The following CFAP61 variants were observed in gnomAD, a reference collection of about 807,000 sequenced individuals.
CFAP61 encodes cilia and flagella associated protein 61.
In CFAP61, 107 loss-of-function variants were observed where a neutral mutation model predicts 135.6. That is an observed-to-expected ratio of 0.79 (90% CI 0.67 to 0.93). The LOEUF is 0.93. Ranked by LOEUF, CFAP61 falls within the 40% of genes least tolerant of loss-of-function variation. The pLI, the probability that CFAP61 is intolerant of heterozygous loss-of-function variation, is 0.00. For missense variants in CFAP61, 1,507 were observed against 1,556.2 expected, an observed-to-expected ratio of 0.97 and a Z score of 0.53; for synonymous variants, 575 against 578.5, an observed-to-expected ratio of 0.99 and a Z score of 0.09.
chr20:20,207,876 C>A (rs2056926006), intron 17 of CFAP61, among the ~76,000 whole-genome samples: 3 of 152,202 alleles, frequency 2.0e-5, no homozygotes, highest in Admixed American at 6.5e-5. Flanking sequence ...AAAAAGACTG[C>A]ATATATGCTA....
chr20:20,069,731 CTCT>C, intron 2 of CFAP61: 1 of 455,762 alleles, frequency 2.2e-6, no homozygotes, highest in Non-Finnish European at 4.4e-6. Flanking sequence ...TTTATTTTTT[CTCT>C]TCTTGCTTAG....
At chr20:20,268,748 A>G (rs1004437051) in intron 21 of CFAP61, among the ~76,000 whole-genome samples, 1 of 152,164 alleles carries the variant, frequency 6.6e-6, no homozygotes, top group Admixed American at 6.5e-5. Flanking sequence ...CATTATAACA[A>G]TTTATGGCAC....
At chr20:20,284,834 A>G (rs1379292901) in intron 22 of CFAP61, among the ~76,000 whole-genome samples, 1 of 152,220 alleles carries the variant, frequency 6.6e-6, no homozygotes, top group Non-Finnish European at 1.5e-5. Flanking sequence ...TTTTAAGGTC[A>G]TATGTATTTT....
chr20:20,260,347 G>C (rs2052058382), intron 20 of CFAP61, among the ~76,000 whole-genome samples: 1 of 152,200 alleles, frequency 6.6e-6, no homozygotes, highest in African/African-American at 2.4e-5. Context: ...TCCATTCAAT[G>C]AAAGAACACA....
intron 9 of CFAP61, among the ~76,000 whole-genome samples, chr20:20,153,286 G>A (rs2052607121): frequency 6.6e-6 from 1 of 152,058 alleles, no homozygotes; most frequent in Admixed American, 6.6e-5. Flanking sequence ...AGCACAGATA[G>A]ACAGTCTAAG....
intron 6 of CFAP61, chr20:20,085,594 C>CTCTG: frequency 8.7e-7 from 1 of 1,155,994 alleles, no homozygotes; most frequent in South Asian, 1.2e-5. Flanking sequence ...AGGCCTAGGG[C>CTCTG]TCTGGGTCTT....
In CFAP61 at chr20:20,360,640, G is replaced by C. The variant is rs1168774408; in HGVS notation, c.*230G>C. Reference sequence around the variant, plus strand: ...GGCAGGCTCGCTTTACAAATCCCAGGCATGTTCCTGTGCAGAATAATCCAT... The same window carrying C: ...GGCAGGCTCGCTTTACAAATCCCAGCCATGTTCCTGTGCAGAATAATCCAT... On this transcript the variant is annotated 3_prime_UTR_variant, in exon 27 of 27. Coordinates refer to ENST00000245957, the MANE Select transcript of CFAP61 (RefSeq NM_015585.4). The C allele has an allele frequency of 5.3e-6, 3 of 565,762 alleles. No homozygotes were observed. Among genetic ancestry groups the C allele is most frequent in the Non-Finnish European group, 9.4e-6 (3 of 320,280 alleles). The allele number at this position is 565,762 out of a possible 1,614,324, so 35.0% of individuals were successfully genotyped here.
At chr20:20,301,534 C>T (rs2056102004) in intron 25 of CFAP61, among the ~76,000 whole-genome samples, 1 of 152,202 alleles carries the variant, frequency 6.6e-6, no homozygotes, top group South Asian at 2.1e-4. Flanking sequence ...CCTGCCAAGC[C>T]TTGGTACTGT....
chr20:20,057,100 G>A lies in CFAP61; in HGVS notation c.143+304G>A, dbSNP rs1340725648. 2.8e-5 allele frequency among the ~76,000 whole-genome samples: 4 copies of A among 143,572 alleles called. No homozygotes were observed. The Admixed American group carries it at 2.9e-4, about 10-fold the overall frequency. The allele number at this position is 143,572 out of a possible 152,430, so 94.2% of individuals were successfully genotyped here. On this transcript the variant is annotated intron_variant, in intron 2 of 26. Coordinates refer to ENST00000245957, the MANE Select transcript of CFAP61 (RefSeq NM_015585.4). ...CCACTGCACTCCAGCCTGGATGACA[G>A]AGCGGACCCCTGTCTCAATTAAAAA...
rs186917950 is a variant in CFAP61 at position 20,321,212 on chromosome 20, A to G, written c.3423-20619A>G. 1.3e-4 allele frequency among the ~76,000 whole-genome samples: 20 copies of G among 152,314 alleles called. No homozygotes were observed. In the East Asian group the frequency reaches 3.7e-3, roughly 28 times the overall value. ...GTTTTAAAAAGATAAAACTTCATTT[A>G]TCATAACAAGGTGTCAATAGTTATG... is the stretch of plus-strand genomic sequence containing the variant. On this transcript the variant is annotated intron_variant, in intron 25 of 26. Coordinates refer to ENST00000245957, the MANE Select transcript of CFAP61 (RefSeq NM_015585.4).
intron 13 of CFAP61, among the ~76,000 whole-genome samples, chr20:20,185,256 A>T (rs2055414376): frequency 6.6e-6 from 1 of 152,254 alleles, no homozygotes; most frequent in Non-Finnish European, 1.5e-5. Context: ...GAATTTGAGT[A>T]TAAGAGTCTT....
At chr20:20,156,276 T>A (rs1043270583) in intron 9 of CFAP61, among the ~76,000 whole-genome samples, 2 of 152,162 alleles carry the variant, frequency 1.3e-5, no homozygotes, top group African/African-American at 4.8e-5. Context: ...ATCGGTGTAA[T>A]TCACCATTTT....
At chr20:20,103,049 A>G (rs967568091) in intron 8 of CFAP61, among the ~76,000 whole-genome samples, 15 of 152,140 alleles carry the variant, frequency 9.9e-5, no homozygotes, top group Non-Finnish European at 2.1e-4. Context: ...CTGACCATGG[A>G]GAAAGCTGAC....
intron 17 of CFAP61, chr20:20,221,718 T>G (rs2048414826): frequency 6.6e-6 from 1 of 152,206 alleles, no homozygotes; most frequent in Non-Finnish European, 1.5e-5. Context: ...TCATCTTTTA[T>G]TTGCTCCTGA....
chr20:20,191,168 G>A (rs2055894245), intron 14 of CFAP61, among the ~76,000 whole-genome samples, 174 bp from the exon 15 acceptor site: 2 of 152,108 alleles, frequency 1.3e-5, no homozygotes, highest in Admixed American at 6.5e-5. Flanking sequence ...GGGTTGGTGT[G>A]AGGATCCGGT....
At chr20:20,284,709 T>C (rs1352017317) in intron 22 of CFAP61, among the ~76,000 whole-genome samples, 1 of 152,266 alleles carries the variant, frequency 6.6e-6, no homozygotes, top group Non-Finnish European at 1.5e-5. Flanking sequence ...TGTAAAAACC[T>C]TGCAGCTATG....
At position 20,264,854 on chromosome 20, in the gene CFAP61, T is replaced by C. The variant is rs149486081; in HGVS notation, c.2503+1724T>C. On this transcript the variant is annotated intron_variant, in intron 21 of 26. Coordinates refer to ENST00000245957, the MANE Select transcript of CFAP61 (RefSeq NM_015585.4). ...CTGCAGAGAGGCATGATTATGCCAC[T>C]GCACTCCAGCCTGGGTGACAGAGCA... is the stretch of plus-strand genomic sequence containing the variant. 3.9e-3 allele frequency among the ~76,000 whole-genome samples: 588 copies of C among 152,328 alleles called. 3 individuals are homozygous for C. Among genetic ancestry groups the C allele is most frequent in the Non-Finnish European group, 7.0e-3 (475 of 68,036 alleles).
At chr20:20,196,543 A>T (rs2056301043) in intron 15 of CFAP61, 27 bp from the exon 16 acceptor site, 3 of 1,538,970 alleles carry the variant, frequency 1.9e-6, no homozygotes, top group Non-Finnish European at 2.7e-6. Context: ...ATGCTTGTAG[A>T]AACCATCCCT....
chr20:20,245,124 A>T (rs1033112810), intron 18 of CFAP61, among the ~76,000 whole-genome samples: 2 of 152,234 alleles, frequency 1.3e-5, no homozygotes, highest in East Asian at 1.9e-4. Context: ...ACATTTTCTC[A>T]TCTTCTTCTG....
Sources: gnomAD v4.1 joint callset for allele counts (sites outside exome capture counted in the v4.1 genomes callset) on GRCh38, gnomAD v4.1.1 for gene constraint, MANE v1.5 for transcripts, NCBI Gene and HGNC (gene_info 2026-07-23, HGNC 2026-07-21) for gene names.